Variants in MB21D2 observed in about 807,000 individuals in gnomAD.
The protein encoded by MB21D2 is nucleotidyltransferase MB21D2.
In MB21D2, 9 loss-of-function variants were observed where a neutral mutation model predicts 33.3. That is an observed-to-expected ratio of 0.27 (90% CI 0.16 to 0.47). The LOEUF (loss-of-function observed/expected upper bound fraction) is 0.47, where lower values mean the gene tolerates loss of function less well. Among genes scored for constraint, MB21D2 ranks in the 20% least tolerant of loss-of-function variants. MB21D2 has a pLI of 0.99. For synonymous variants in MB21D2, 241 were observed against 236.3 expected (o/e 1.02, Z -0.18); for missense variants, 540 against 624.6 (o/e 0.86, Z 1.44).
intron 1 of MB21D2, among the ~76,000 whole-genome samples, chr3:192,873,527 C>T (rs13079786): frequency 0.6 from 90,349 of 151,742 alleles, 28,308 homozygotes; most frequent in African/African-American, 0.79. Context: ...GTGAGTTCAC[C>T]GCAACCTTCC....
intron 1 of MB21D2, among the ~76,000 whole-genome samples, chr3:192,838,265 AAG>A (rs1213206107): frequency 1.3e-5 from 2 of 152,216 alleles, no homozygotes; most frequent in East Asian, 1.9e-4. Flanking sequence ...GAAGTGATCC[AAG>A]AGAGAGCAAG....
chr3:192,832,918 T>C (rs1173954163), intron 1 of MB21D2, among the ~76,000 whole-genome samples: 1 of 152,212 alleles, frequency 6.6e-6, no homozygotes, highest in East Asian at 1.9e-4. Flanking sequence ...GAATCTTTTA[T>C]CTAAAATTTA....
chr3:192,897,910 A>G (rs11721048), intron 1 of MB21D2, among the ~76,000 whole-genome samples: 59,214 of 151,566 alleles, frequency 0.39, 13,856 homozygotes, highest in Non-Finnish European at 0.52. Flanking sequence ...TGAGCCCAGG[A>G]GCTGTGATCA....
chr3:192,869,668 C>T (rs1312857991), intron 1 of MB21D2, among the ~76,000 whole-genome samples: 1 of 152,148 alleles, frequency 6.6e-6, no homozygotes, highest in Non-Finnish European at 1.5e-5. Flanking sequence ...CCCCTTTCTC[C>T]TCCCCATAAA....
At chr3:192,901,970 A>G (rs1013820801) in intron 1 of MB21D2, among the ~76,000 whole-genome samples, 11 of 152,190 alleles carry the variant, frequency 7.2e-5, no homozygotes, top group Non-Finnish European at 1.3e-4. Context: ...CAAGGGCCCA[A>G]TTGGCCTTTA....
At chr3:192,806,437 A>T (rs2174486) in intron 1 of MB21D2, among the ~76,000 whole-genome samples, 5 of 151,944 alleles carry the variant, frequency 3.3e-5, no homozygotes, top group African/African-American at 1.2e-4. Context: ...TTGATTGAAA[A>T]ATAGCCACCT....
At chr3:192,838,574 G>A (rs1272830961) in intron 1 of MB21D2, among the ~76,000 whole-genome samples, 3 of 151,684 alleles carry the variant, frequency 2.0e-5, no homozygotes, top group South Asian at 2.1e-4. Context: ...GACTACAGGC[G>A]CCCACCGCCA....
intron 1 of MB21D2, among the ~76,000 whole-genome samples, chr3:192,851,486 T>G (rs1712802994): frequency 7.1e-6 from 1 of 140,206 alleles, no homozygotes; most frequent in South Asian, 2.3e-4. Context: ...ACTTTTTTTT[T>G]GTCTGTTTTT....
intron 1 of MB21D2, among the ~76,000 whole-genome samples, chr3:192,888,850 A>T (rs1713788969): frequency 6.6e-6 from 1 of 152,062 alleles, no homozygotes; most frequent in Non-Finnish European, 1.5e-5. Flanking sequence ...TGTAAAGGAG[A>T]AGGTGCTACC....
At chr3:192,800,662 C>G (rs945222472) in intron 1 of MB21D2, among the ~76,000 whole-genome samples, 11 of 151,978 alleles carry the variant, frequency 7.2e-5, no homozygotes, top group Admixed American at 5.9e-4. Flanking sequence ...ATGGAAATAA[C>G]CATAAAACCC....
At chr3:192,909,706 G>A (rs1298335991) in intron 1 of MB21D2, among the ~76,000 whole-genome samples, 2 of 152,004 alleles carry the variant, frequency 1.3e-5, no homozygotes, top group Non-Finnish European at 1.5e-5. Flanking sequence ...CGAGGTGGGT[G>A]CATCACTCGA....
intron 1 of MB21D2, among the ~76,000 whole-genome samples, chr3:192,819,958 C>G (rs1185786605): frequency 6.6e-6 from 1 of 152,150 alleles, no homozygotes; most frequent in Non-Finnish European, 1.5e-5. Flanking sequence ...GGGCCTAGTC[C>G]TGGTGCTCCC....
intron 1 of MB21D2, among the ~76,000 whole-genome samples, chr3:192,878,311 A>T (rs1713485635): frequency 2.0e-5 from 3 of 152,266 alleles, no homozygotes; most frequent in African/African-American, 7.2e-5. Context: ...CTCTTCCCCC[A>T]GGCAAATTCA....
At position 192,799,152 on chromosome 3, in the gene MB21D2, G is replaced by A. The variant is rs2108607339; in HGVS notation, c.710C>T (p.Pro237Leu). Residue 237 changes from proline (P) to leucine (L), a missense_variant, in exon 2 of 2, where the codon CCT becomes CTT. Physicochemically the swap from Pro to Leu is moderately conservative, Grantham distance 98. Transcript: ENST00000392452. The surrounding 1 kb of genome is among the most constrained non-coding windows in gnomAD (Gnocchi z 4.1). ...GSSRMLYDIVPVVSFKGWPAV... is the reference protein window; with the variant it reads ...GSSRMLYDIVLVVSFKGWPAV... The stretch of plus-strand genomic sequence containing the variant: ...AGGCCAACCTTTGAAAGATACCACA[G>A]GGACAATATCATACAACATGCGACT... 6.2e-7 allele frequency: 1 copy of A among 1,614,174 alleles called. No individual in the cohort carries two copies. The highest frequency in any genetic ancestry group is 2.2e-5 in the East Asian group (1 of 44,878).
At chr3:192,896,651 C>T (rs1327295931) in intron 1 of MB21D2, among the ~76,000 whole-genome samples, 1 of 152,242 alleles carries the variant, frequency 6.6e-6, no homozygotes, top group African/African-American at 2.4e-5. Context: ...CCTACAAAGA[C>T]ATTGCCACTG....
At chr3:192,898,754 C>G (rs1714030324) in intron 1 of MB21D2, among the ~76,000 whole-genome samples, 2 of 152,202 alleles carry the variant, frequency 1.3e-5, no homozygotes, top group Middle Eastern at 3.2e-3. Flanking sequence ...AAATTCATAA[C>G]CGACTGGTGC....
At position 192,829,705 on chromosome 3, in the gene MB21D2, G is replaced by A. The variant is rs374154789; in HGVS notation, c.212-30055C>T. ...CAGTCTAGAGCATTCTTCTGTTTAT[G>A]TTTATGTTTGTATGTATGTATGGTG... is the stretch of plus-strand genomic sequence containing the variant. On this transcript the variant is annotated intron_variant, in intron 1 of 1. Transcript: ENST00000392452. Among the ~76,000 whole-genome samples the A allele has an allele frequency of 9.9e-5, 15 of 152,178 alleles. No individual in the cohort carries two copies. The South Asian group carries it at 2.7e-3, about 27-fold the overall frequency.
At chr3:192,807,309 T>C (rs1711684979) in intron 1 of MB21D2, among the ~76,000 whole-genome samples, 2 of 147,914 alleles carry the variant, frequency 1.4e-5, no homozygotes, top group South Asian at 4.4e-4. Flanking sequence ...CAGTGTTCAC[T>C]TCTGAAGGCT....
intron 1 of MB21D2, among the ~76,000 whole-genome samples, chr3:192,846,217 T>C (rs1712677975): frequency 6.6e-6 from 1 of 152,236 alleles, no homozygotes; most frequent in Non-Finnish European, 1.5e-5. Flanking sequence ...GTTATAAAAC[T>C]TACATAGTGT....
Sources: gnomAD v4.1 joint callset for allele counts (sites outside exome capture counted in the v4.1 genomes callset) on GRCh38, gnomAD v4.1.1 for gene constraint, Gnocchi (gnomAD v3.1) non-coding constraint, MANE v1.5 for transcripts, NCBI Gene and HGNC (gene_info 2026-07-23, HGNC 2026-07-21) for gene names.